Variants in VAV3 observed in about 807,000 individuals in gnomAD.
VAV3 encodes the protein vav guanine nucleotide exchange factor 3.
VAV3 carries 94 observed loss-of-function variants against 131.2 expected under a neutral mutation model. That is an observed-to-expected ratio of 0.72 (90% CI 0.61 to 0.85). The LOEUF is 0.85. Among genes scored for constraint, VAV3 ranks in the 40% least tolerant of loss-of-function variants. The pLI is 0.00. For synonymous variants in VAV3, 349 were observed against 342.0 expected (o/e 1.02, Z -0.22); for missense variants, 939 against 1,002.7 (o/e 0.94, Z 0.86).
chr1:107,638,094 A>G (rs1655067148), intron 20 of VAV3, among the ~76,000 whole-genome samples: 4 of 152,194 alleles, frequency 2.6e-5, no homozygotes, highest in Admixed American at 2.0e-4. Flanking sequence ...GAAACTACAG[A>G]TAATGTCATA....
At chr1:107,888,346 G>A (rs1025418597) in intron 1 of VAV3, among the ~76,000 whole-genome samples, 1 of 152,142 alleles carries the variant, frequency 6.6e-6, no homozygotes, top group East Asian at 1.9e-4. Context: ...AACACGTAGC[G>A]CTAGACTAGG....
At chr1:107,613,312 T>C (rs1422742672) in intron 21 of VAV3, among the ~76,000 whole-genome samples, 4 of 152,126 alleles carry the variant, frequency 2.6e-5, no homozygotes, top group Non-Finnish European at 5.9e-5. Context: ...TATTTGAATA[T>C]TGCTTTTCTA....
intron 1 of VAV3, among the ~76,000 whole-genome samples, chr1:107,891,788 G>C (rs528439972): frequency 6.8e-6 from 1 of 146,554 alleles, no homozygotes; most frequent in African/African-American, 2.5e-5. Context: ...GCAGTGTGCG[G>C]AGACCGCGCC....
intron 2 of VAV3, among the ~76,000 whole-genome samples, chr1:107,836,507 C>T (rs757903359): frequency 8.5e-5 from 13 of 152,086 alleles, no homozygotes; most frequent in Admixed American, 2.6e-4. Context: ...AACACTGCAC[C>T]TACAGGAACT....
At chr1:107,866,451 C>T (rs1306178704) in intron 2 of VAV3, among the ~76,000 whole-genome samples, 1 of 152,026 alleles carries the variant, frequency 6.6e-6, no homozygotes, top group African/African-American at 2.4e-5. Context: ...GGCAAGAAAA[C>T]ACCTAGAAGA....
chr1:107,642,504 TAATC>T lies in VAV3; in HGVS notation c.1914+111_1914+114del, dbSNP rs1385513767. On this transcript the variant is annotated intron_variant, in intron 20 of 26. Coordinates refer to ENST00000370056, the MANE Select transcript of VAV3 (RefSeq NM_006113.5). ...CCATTCTTTTATTCCTTTACTTTCT[TAATC>T]AACTTGCTTTTGCTTTGCACTGTGG... The T allele has an allele frequency of 3.2e-6, 4 of 1,236,360 alleles. No homozygotes were observed. The East Asian group carries it at 1.0e-4, about 31-fold the overall frequency. The allele number at this position is 1,236,360 out of a possible 1,614,324, so 76.6% of individuals were successfully genotyped here.
intron 1 of VAV3, among the ~76,000 whole-genome samples, chr1:107,930,451 AAATC>A (rs774023748): frequency 3.3e-5 from 5 of 152,286 alleles, no homozygotes; most frequent in South Asian, 4.2e-4. Flanking sequence ...CTCCAAAAAG[AAATC>A]AATTAGTCAT....
chr1:107,847,702 C>T (rs1413406538), intron 2 of VAV3, among the ~76,000 whole-genome samples: 1 of 152,104 alleles, frequency 6.6e-6, no homozygotes, highest in South Asian at 2.1e-4. Flanking sequence ...AACATACACC[C>T]TCCCAAGACT....
chr1:107,903,053 A>G (rs531671386), intron 1 of VAV3, among the ~76,000 whole-genome samples: 1 of 152,348 alleles, frequency 6.6e-6, no homozygotes, highest in South Asian at 2.1e-4. Context: ...AGGGCTTGAA[A>G]TGTATCTCCA....
chr1:107,641,462 AC>A (rs1397892898), intron 20 of VAV3, among the ~76,000 whole-genome samples: 1 of 152,212 alleles, frequency 6.6e-6, no homozygotes, highest in Non-Finnish European at 1.5e-5. Context: ...AATATTTCTA[AC>A]ATACACATGA....
intron 15 of VAV3, among the ~76,000 whole-genome samples, chr1:107,717,857 T>G (rs1661213585): frequency 6.6e-6 from 1 of 152,186 alleles, no homozygotes; most frequent in African/African-American, 2.4e-5. Context: ...TTCCCATTAT[T>G]ATTGTGTGGG....
chr1:107,665,333 TA>T (rs1411266552), intron 19 of VAV3, among the ~76,000 whole-genome samples: 1 of 152,146 alleles, frequency 6.6e-6, no homozygotes, highest in Non-Finnish European at 1.5e-5. Flanking sequence ...AAAACAATAA[TA>T]AAACTGTCTT....
At chr1:107,575,545 C>T (rs1333312337) in intron 25 of VAV3, among the ~76,000 whole-genome samples, 1 of 152,128 alleles carries the variant, frequency 6.6e-6, no homozygotes, top group Non-Finnish European at 1.5e-5. Context: ...TTTTACTGTT[C>T]AGGACACAAA....
At chr1:107,644,856 C>T (rs145345251) in intron 19 of VAV3, among the ~76,000 whole-genome samples, 37 of 151,898 alleles carry the variant, frequency 2.4e-4, no homozygotes, top group African/African-American at 8.5e-4. Flanking sequence ...GGAATGCCCA[C>T]CACATGCCCA....
chr1:107,753,485 T>TATATATACACAC (rs1663868785), intron 12 of VAV3, among the ~76,000 whole-genome samples: 4 of 110,516 alleles, frequency 3.6e-5, no homozygotes, highest in Non-Finnish European at 6.0e-5. Flanking sequence ...TGTGTGTGTG[T>TATATATACACAC]ATATATATAC....
At chr1:107,708,105 G>C (rs1166466609) in intron 15 of VAV3, among the ~76,000 whole-genome samples, 4 of 152,152 alleles carry the variant, frequency 2.6e-5, no homozygotes, top group Non-Finnish European at 5.9e-5. Flanking sequence ...CCTTCAGCTG[G>C]AGTCAAATGA....
intron 20 of VAV3, among the ~76,000 whole-genome samples, chr1:107,631,380 T>C (rs1317133672): frequency 1.3e-5 from 2 of 152,090 alleles, no homozygotes; most frequent in Non-Finnish European, 2.9e-5. Flanking sequence ...TAAGATTATA[T>C]AACATTAAAA....
chr1:107,746,930 A>G (rs1305532832), intron 15 of VAV3, among the ~76,000 whole-genome samples: 2 of 150,962 alleles, frequency 1.3e-5, no homozygotes, highest in Admixed American at 6.6e-5. Flanking sequence ...CCCAGGCTGG[A>G]GTGCAGTGGC....
At chr1:107,694,224 G>A (rs1214735975) in intron 17 of VAV3, among the ~76,000 whole-genome samples, 1 of 152,172 alleles carries the variant, frequency 6.6e-6, no homozygotes, top group African/African-American at 2.4e-5. Flanking sequence ...GGATGGTCAA[G>A]GTACGGTTAA....
Sources: allele counts gnomAD v4.1 joint callset (sites outside exome capture counted in the v4.1 genomes callset), GRCh38; gene constraint gnomAD v4.1.1; transcripts MANE v1.5; gene names NCBI Gene and HGNC (gene_info 2026-07-23, HGNC 2026-07-21).